Variants in PPP2CA observed in about 807,000 individuals in gnomAD.
PPP2CA encodes serine/threonine-protein phosphatase 2A catalytic subunit alpha isoform.
A neutral mutation model predicts 38.8 loss-of-function variants in PPP2CA; 5 were observed. The ratio of observed to expected loss-of-function variants is 0.13; its 90% confidence interval spans 0.07 to 0.27. The LOEUF (loss-of-function observed/expected upper bound fraction) is 0.27. Ranked by LOEUF, PPP2CA falls within the 10% of genes least tolerant of loss-of-function variation. The pLI, the probability that PPP2CA is intolerant of heterozygous loss-of-function variation, is 1.00. For synonymous variants in PPP2CA, 152 were observed against 134.0 expected (o/e 1.13, Z -0.93); for missense variants, 88 against 389.7 (o/e 0.23, Z 6.52).
chr5:134,196,579 TTAACTC>T lies in PPP2CA; in HGVS notation c.*1187_*1192del, dbSNP rs1451561227. 3 of 152,192 alleles carry T rather than the reference TTAACTC, an allele frequency of 2.0e-5. No individual in the cohort carries two copies. The highest frequency in any genetic ancestry group is 4.4e-5 in the Non-Finnish European group (3 of 68,032). 9.4% of individuals were successfully genotyped at this position (152,192 alleles called of 1,614,324 possible). A position where few individuals can be genotyped will look rare whatever the true frequency, so the allele number is the denominator to read the frequency against. ...TAACACTTTCTTATCTGAGACAAAT[TTAACTC>T]TAAGAACATATGACTCAACAATGTA... On this transcript the variant is annotated 3_prime_UTR_variant, in exon 7 of 7. Transcript: ENST00000481195.
At chr5:134,198,953 G>A (rs1250678701) in intron 6 of PPP2CA, 133 bp downstream of exon 6, 4 of 677,556 alleles carry the variant, frequency 5.9e-6, no homozygotes, top group East Asian at 5.4e-5. Context: ...GGAGGCCAAG[G>A]TGAAAGGATC....
chr5:134,204,901 G>A (rs1275464963), intron 2 of PPP2CA, among the ~76,000 whole-genome samples: 2 of 150,782 alleles, frequency 1.3e-5, no homozygotes, highest in Non-Finnish European at 3.0e-5. Flanking sequence ...GAATTTCTCA[G>A]AAAAATTCTT....
chr5:134,220,317 G>C (rs772549913), intron 1 of PPP2CA, among the ~76,000 whole-genome samples: 2 of 151,500 alleles, frequency 1.3e-5, no homozygotes, highest in Non-Finnish European at 2.9e-5. Context: ...AAATTAGCTG[G>C]GTGTGGTGGC....
chr5:134,197,459 G>A lies in PPP2CA; in HGVS notation c.*313C>T. On this transcript the variant is annotated 3_prime_UTR_variant, in exon 7 of 7. Transcript: ENST00000481195. ...GGAAGTTAAATTGTATTCACGAGGT[G>A]TTAATGTTTACATCTTATTATCTGC... The A allele has an allele frequency of 3.1e-6, 1 of 318,736 alleles. No individual in the cohort carries two copies. Among genetic ancestry groups the A allele is most frequent in the Non-Finnish European group, 5.9e-6 (1 of 168,310 alleles). The allele number at this position is 318,736 out of a possible 1,614,324, so 19.7% of individuals were successfully genotyped here. A position where few individuals can be genotyped will look rare whatever the true frequency, so the allele number is the denominator to read the frequency against.
intron 1 of PPP2CA, among the ~76,000 whole-genome samples, chr5:134,216,557 A>AAAAAG (rs57520870): frequency 0.55 from 59,552 of 108,322 alleles, 18,163 homozygotes; most frequent in Non-Finnish European, 0.62. Flanking sequence ...AAAAAAAAAA[A>AAAAAG]GTGGTTTCCT....
rs772835542 is a variant in PPP2CA, at chr5:134,201,851, C to T, written c.483G>A (p.Gly161=). 9.3e-6 allele frequency: 15 copies of T among 1,613,052 alleles called. No homozygotes were observed. Among genetic ancestry groups the T allele is most frequent in the East Asian group, 2.2e-5 (1 of 44,844 alleles). ...AATGAGTTTTAGATCCACATACCTGCCCATCCACCAAGGCAGTGAGAGGAA... is the reference window on the plus strand; with the variant it reads ...AATGAGTTTTAGATCCACATACCTGTCCATCCACCAAGGCAGTGAGAGGAA... ...DYLPLTALVD[G]QIFCLHGGLS... The change falls in exon 3 of 7, where the codon GGG becomes GGA. Residue 161 remains glycine (G), a synonymous_variant. Transcript: ENST00000481195.
In PPP2CA at chr5:134,196,525, C is replaced by T. The variant is rs930443567; in HGVS notation, c.*1247G>A. 3 of 152,200 alleles carry T rather than the reference C, an allele frequency of 2.0e-5. No homozygotes were observed. The highest frequency in any genetic ancestry group is 4.4e-5 in the Non-Finnish European group (3 of 68,032). The allele number at this position is 152,200 out of a possible 1,614,324, so 9.4% of individuals were successfully genotyped here. A position where few individuals can be genotyped will look rare whatever the true frequency, so the allele number is the denominator to read the frequency against. ...TTTCTATTTGGTTTCACTAGTATCA[C>T]TCAAAGAACTTGACACAGGCTAATG... On this transcript the variant is annotated 3_prime_UTR_variant, in exon 7 of 7. Transcript: ENST00000481195.
rs1409442912 is a variant in PPP2CA at position 134,194,412 on chromosome 5, A to C, written c.*3360T>G. On this transcript the variant is annotated 3_prime_UTR_variant, in exon 7 of 7. Coordinates refer to ENST00000481195, the MANE Select transcript of PPP2CA (RefSeq NM_002715.4). ...TCTGAAAACAAACAAGCCTATTACC[A>C]AACTATAGGTTACTAAACTATAGGC... 6.6e-6 allele frequency: 1 copy of C among 152,238 alleles called. No homozygotes were observed. Among genetic ancestry groups the C allele is most frequent in the African/African-American group, 2.4e-5 (1 of 41,458 alleles). 9.4% of individuals were successfully genotyped at this position (152,238 alleles called of 1,614,324 possible). A position where few individuals can be genotyped will look rare whatever the true frequency, so the allele number is the denominator to read the frequency against.
At position 134,197,755 on chromosome 5, in the gene PPP2CA, A is replaced by T. The variant is rs1165483217; in HGVS notation, c.*17T>A. 6.2e-7 allele frequency: 1 copy of T among 1,601,308 alleles called. No individual in the cohort carries two copies. The highest frequency in any genetic ancestry group is 1.1e-5 in the South Asian group (1 of 90,710). ...GATATATGGTTCATGGCAATACTGT[A>T]CAAGTTTAAAATTTCATTACAGGAA... On this transcript the variant is annotated 3_prime_UTR_variant, in exon 7 of 7. Transcript: ENST00000481195.
chr5:134,222,342 C>A (rs1762463443), intron 1 of PPP2CA, among the ~76,000 whole-genome samples: 1 of 152,138 alleles, frequency 6.6e-6, no homozygotes, highest in South Asian at 2.1e-4. Context: ...ATACTCACAG[C>A]AACATATTAC....
chr5:134,225,222 G>A (rs374768617), intron 1 of PPP2CA, among the ~76,000 whole-genome samples: 10 of 152,198 alleles, frequency 6.6e-5, no homozygotes, highest in African/African-American at 2.2e-4. Context: ...GATTTCTGGA[G>A]AAGATCGCTT....
At chr5:134,207,044 T>C (rs1762097771) in intron 1 of PPP2CA, among the ~76,000 whole-genome samples, 1 of 152,234 alleles carries the variant, frequency 6.6e-6, no homozygotes, top group Admixed American at 6.5e-5. Context: ...TAATGAGCCA[T>C]GACAACCACA....
chr5:134,213,082 AAAC>A lies in PPP2CA; in HGVS notation c.103-6954_103-6952del, dbSNP rs1211081254. ...GATAAGTGATGAAGGTGGTTGCACT[AAAC>A]AACAGGTTTTCAATGTAGACGAAAT... On this transcript the variant is annotated intron_variant, in intron 1 of 6. Transcript: ENST00000481195. 3.3e-5 allele frequency among the ~76,000 whole-genome samples: 5 copies of A among 152,218 alleles called. No homozygotes were observed. In the South Asian group the frequency reaches 1.0e-3, roughly 31 times the overall value.
chr5:134,200,894 A>C, intron 4 of PPP2CA, 91 bp downstream of exon 4: 2 of 1,080,436 alleles, frequency 1.9e-6, no homozygotes, highest in South Asian at 2.7e-5. Context: ...TTTGAGAATT[A>C]TATGAGAGAA....
Position 134,225,944 on chromosome 5 carries a change from G to T in PPP2CA, c.-83C>A, listed in dbSNP as rs1223882949. On this transcript the variant is annotated 5_prime_UTR_variant, in exon 1 of 7. Transcript: ENST00000481195. ...CACGGGCCTACACGCACACGCCGCC[G>T]CCGGTTCCTCGTGTACTTCTGGCGG... 2.7e-5 allele frequency: 35 copies of T among 1,297,334 alleles called. No homozygotes were observed. The highest frequency in any genetic ancestry group is 3.4e-5 in the Non-Finnish European group (32 of 927,724). 80.4% of individuals were successfully genotyped at this position (1,297,334 alleles called of 1,614,324 possible).
rs940244942 is a variant in PPP2CA at position 134,201,700 on chromosome 5, A to G, written c.486+148T>C. 31 of 922,032 alleles carry G rather than the reference A, an allele frequency of 3.4e-5. No individual in the cohort carries two copies. In the Middle Eastern group the frequency reaches 1.1e-3, roughly 34 times the overall value. 57.1% of individuals were successfully genotyped at this position (922,032 alleles called of 1,614,324 possible). On this transcript the variant is annotated intron_variant, in intron 3 of 6. Coordinates refer to ENST00000481195, the MANE Select transcript of PPP2CA (RefSeq NM_002715.4). Reference sequence around the variant, plus strand: ...AAGTTGGACACATTTGTCAAATTAAATTTTTTTTAAGTTTGAATGAATGCT... The same window carrying G: ...AAGTTGGACACATTTGTCAAATTAAGTTTTTTTTAAGTTTGAATGAATGCT...
intron 1 of PPP2CA, among the ~76,000 whole-genome samples, chr5:134,220,213 C>A (rs778824991): frequency 6.6e-6 from 1 of 151,650 alleles, no homozygotes; most frequent in Non-Finnish European, 1.5e-5. Flanking sequence ...AATCCTAGCA[C>A]TTTGGGAGGC....
chr5:134,204,857 TTC>T (rs1193750454), intron 2 of PPP2CA, among the ~76,000 whole-genome samples: 4 of 152,282 alleles, frequency 2.6e-5, no homozygotes, highest in Non-Finnish European at 4.4e-5. Context: ...GTACATAATA[TTC>T]TCTGTTAAAT....
chr5:134,205,877 CTG>C, intron 2 of PPP2CA, 43 bp downstream of exon 2: 1 of 1,525,332 alleles, frequency 6.6e-7, no homozygotes, highest in Non-Finnish European at 9.1e-7. Context: ...TTCAAGAGGA[CTG>C]TCTTACCCAT....
Sources: gnomAD v4.1 joint callset for allele counts (sites outside exome capture counted in the v4.1 genomes callset) on GRCh38, gnomAD v4.1.1 for gene constraint, MANE v1.5 for transcripts, NCBI Gene and HGNC (gene_info 2026-07-23, HGNC 2026-07-21) for gene names.